Variants in ATG4B observed in about 807,000 individuals in gnomAD.
ATG4B encodes the protein autophagy related 4B cysteine peptidase.
ATG4B carries 29 observed loss-of-function variants against 56.6 expected under a neutral mutation model. The observed-to-expected ratio is 0.51, with a 90% CI of 0.38 to 0.70. The LOEUF (loss-of-function observed/expected upper bound fraction) is 0.70, where lower values mean the gene tolerates loss of function less well. ATG4B is among the 30% of genes least tolerant of loss of function. ATG4B has a pLI of 0.00. For missense variants in ATG4B, 461 were observed against 515.5 expected, an observed-to-expected ratio of 0.89 and a Z score of 1.02; for synonymous variants, 224 against 206.1, an observed-to-expected ratio of 1.09 and a Z score of -0.74.
In ATG4B at chr2:241,668,441, C is replaced by T; in HGVS notation, c.812-99C>T. On this transcript the variant is annotated intron_variant, in intron 9 of 12. Coordinates refer to ENST00000404914, the MANE Select transcript of ATG4B (RefSeq NM_013325.5). The surrounding 1 kb of genome is among the most constrained non-coding windows in gnomAD (Gnocchi z 4.2). ...TCCCCACCTCCTGCCCACTGCTTCTCAGTGTGATGTGGGTGCAGTGGGTCT... is the reference window on the plus strand; with the variant it reads ...TCCCCACCTCCTGCCCACTGCTTCTTAGTGTGATGTGGGTGCAGTGGGTCT... 1 of 1,494,244 alleles carries T rather than the reference C, an allele frequency of 6.7e-7. No homozygotes were observed. The highest frequency in any genetic ancestry group is 9.1e-7 in the Non-Finnish European group (1 of 1,103,764). The allele number at this position is 1,494,244 out of a possible 1,614,324, so 92.6% of individuals were successfully genotyped here. A position where few individuals can be genotyped will look rare whatever the true frequency, so the allele number is the denominator to read the frequency against.
At chr2:241,655,365 C>G in intron 6 of ATG4B, 22 bp downstream of exon 6, 1 of 1,595,864 alleles carries the variant, frequency 6.3e-7, no homozygotes, top group Non-Finnish European at 8.5e-7. Flanking sequence ...GCTTCCACTG[C>G]TGAGCATGGG....
chr2:241,649,684 A>G lies in ATG4B; in HGVS notation c.11-1326A>G, dbSNP rs1311025349. Among the ~76,000 whole-genome samples the G allele has an allele frequency of 2.0e-5, 3 of 152,056 alleles. No individual in the cohort carries two copies. In the East Asian group the frequency reaches 5.8e-4, roughly 29 times the overall value. On this transcript the variant is annotated intron_variant, in intron 1 of 12. Transcript: ENST00000404914. ...TGGCTGGCGCCTTCTTTTCAGGAACATTGTGGGACATGGGTATCCTCAGCC... is the reference window on the plus strand; with the variant it reads ...TGGCTGGCGCCTTCTTTTCAGGAACGTTGTGGGACATGGGTATCCTCAGCC...
chr2:241,654,363 G>A (rs905502045), intron 4 of ATG4B, among the ~76,000 whole-genome samples, 183 bp from the exon 5 acceptor site: 2 of 147,764 alleles, frequency 1.4e-5, no homozygotes, highest in Non-Finnish European at 3.0e-5. Flanking sequence ...GGAGGTTGCA[G>A]TGAGCCGAGA....
chr2:241,663,511 A>C (rs886694353), intron 7 of ATG4B, among the ~76,000 whole-genome samples: 15 of 152,308 alleles, frequency 9.8e-5, no homozygotes, highest in Non-Finnish European at 2.1e-4. Flanking sequence ...TCTGAACCTG[A>C]TGTGTACAGA....
intron 12 of ATG4B, chr2:241,671,799 A>G (rs1160788658): frequency 1.1e-5 from 14 of 1,273,750 alleles, no homozygotes; most frequent in Non-Finnish European, 1.3e-5. Flanking sequence ...AGCGTGCCGC[A>G]GGAGCCGGCC....
In ATG4B at chr2:241,672,748, CGAG is replaced by C. The variant is rs1365503695; in HGVS notation, c.*486_*488del. 2 of 174,578 alleles carry C rather than the reference CGAG, an allele frequency of 1.1e-5. No individual in the cohort carries two copies. The highest frequency in any genetic ancestry group is 2.6e-4 in the South Asian group (2 of 7,606). The allele number at this position is 174,578 out of a possible 1,614,324, so 10.8% of individuals were successfully genotyped here. A position where few individuals can be genotyped will look rare whatever the true frequency, so the allele number is the denominator to read the frequency against. On this transcript the variant is annotated 3_prime_UTR_variant, in exon 13 of 13. Transcript: ENST00000404914. ...CCACGCCCAAGGACTGGGCTGCTCT[CGAG>C]GGGGGCGCGCCCACCGCTGTGTCCT...
rs369911227 is a variant in ATG4B at position 241,668,682 on chromosome 2, T to G, written c.954T>G (p.Ala318=). The change falls in exon 10 of 13, where the codon GCT becomes GCG. Residue 318 remains alanine (A), a synonymous_variant. Transcript: ENST00000404914. This position sits in a 1 kb window ranked among gnomAD's most constrained non-coding sequence, Gnocchi z 4.2. ...TCGCGGAGCTTGACCCGTCCATCGC[T>G]GTGGTACGTGGCGGCCACCTGAGCA... ...MSIAELDPSI[A]VGFFCKTEDD... 2 of 1,570,412 alleles carry G rather than the reference T, an allele frequency of 1.3e-6. No individual in the cohort carries two copies. The highest frequency in any genetic ancestry group is 1.4e-5 in the African/African-American group (1 of 73,716).
At position 241,668,971 on chromosome 2, in the gene ATG4B, T is replaced by A. The variant is rs1469882603; in HGVS notation, c.957+286T>A. 1 of 457,316 alleles carries A rather than the reference T, an allele frequency of 2.2e-6. No individual in the cohort carries two copies. 28.3% of individuals were successfully genotyped at this position (457,316 alleles called of 1,614,324 possible). ...TGGGCGCGTGCTGAGTGTGCATGGA[T>A]GAGTGTGAGCCATGGTGAGTGTGTC... is the stretch of plus-strand genomic sequence containing the variant. On this transcript the variant is annotated intron_variant, in intron 10 of 12. Transcript: ENST00000404914. The surrounding 1 kb of genome is among the most constrained non-coding windows in gnomAD (Gnocchi z 4.2).
chr2:241,659,425 C>T (rs763715890), intron 7 of ATG4B: 3 of 592,886 alleles, frequency 5.1e-6, no homozygotes, highest in Non-Finnish European at 9.9e-6. Flanking sequence ...TGGTATCTCA[C>T]GTCGTGTTTT....
At chr2:241,644,480 A>T (rs1051298607) in intron 1 of ATG4B, among the ~76,000 whole-genome samples, 1 of 152,158 alleles carries the variant, frequency 6.6e-6, no homozygotes, top group African/African-American at 2.4e-5. Context: ...GCCCCATTTC[A>T]TGGGTGAGGA....
chr2:241,651,767 A>G lies in ATG4B; in HGVS notation c.184+432A>G, dbSNP rs779986336. 164 of 618,752 alleles carry G rather than the reference A, an allele frequency of 2.7e-4. 1 individual carries two copies. The highest frequency in any genetic ancestry group is 3.8e-4 in the Non-Finnish European group (148 of 391,016). The allele number at this position is 618,752 out of a possible 1,614,324, so 38.3% of individuals were successfully genotyped here. ...CTTAGGTCCAGAATGTTTGGAAGCC[A>G]TTCTCTGTAGCCCTCATCTTTTTTA... On this transcript the variant is annotated intron_variant, in intron 3 of 12. Transcript: ENST00000404914. This position sits in a 1 kb window ranked among gnomAD's most constrained non-coding sequence, Gnocchi z 4.1.
intron 1 of ATG4B, among the ~76,000 whole-genome samples, chr2:241,643,699 C>A (rs1575057197): frequency 7.9e-6 from 1 of 126,540 alleles, no homozygotes; most frequent in Admixed American, 7.7e-5. Context: ...TATTTTCCCC[C>A]CCCCCCGTCG....
Position 241,671,389 on chromosome 2 carries a change from C to G in ATG4B, c.1092C>G (p.Val364=). ...CTTCACATCTGGCCTGCCCCGACGT[C>G]CTGAACCTGTCCCTAGGTGAGAGCT... The part of the protein sequence containing the change: ...LQPSHLACPD[V]LNLSLDSSDV... The change falls in exon 12 of 13, where the codon GTC becomes GTG. Residue 364 remains valine, a synonymous_variant. Coordinates refer to ENST00000404914, the MANE Select transcript of ATG4B (RefSeq NM_013325.5). 1 of 1,613,694 alleles carries G rather than the reference C, an allele frequency of 6.2e-7. No homozygotes were observed. Among genetic ancestry groups the G allele is most frequent in the Non-Finnish European group, 8.5e-7 (1 of 1,179,842 alleles).
intron 12 of ATG4B, chr2:241,671,891 A>C: frequency 7.6e-7 from 1 of 1,323,384 alleles, no homozygotes; most frequent in Non-Finnish European, 9.7e-7. Flanking sequence ...CAAACAAGGC[A>C]ATGGCAATGG....
intron 4 of ATG4B, among the ~76,000 whole-genome samples, chr2:241,654,159 A>G (rs1575070365): frequency 6.6e-6 from 1 of 152,142 alleles, no homozygotes; most frequent in South Asian, 2.1e-4. Context: ...GTGGTGGCTC[A>G]CGCCTGTAAT....
In ATG4B at chr2:241,653,500, C is replaced by T; in HGVS notation, c.185-12C>T. The stretch of plus-strand genomic sequence containing the variant: ...TGGCCATGAGCACTTCTCTCTCTGT[C>T]TGCCACGACAGGGGGGACAGGCCCC... On this transcript the variant is annotated splice_polypyrimidine_tract_variant and intron_variant, in intron 3 of 12. Transcript: ENST00000404914. 6.4e-7 allele frequency: 1 copy of T among 1,568,710 alleles called. No individual in the cohort carries two copies. Among genetic ancestry groups the T allele is most frequent in the Non-Finnish European group, 8.6e-7 (1 of 1,156,710 alleles).
At chr2:241,645,132 T>A (rs979869683) in intron 1 of ATG4B, among the ~76,000 whole-genome samples, 4 of 152,094 alleles carry the variant, frequency 2.6e-5, no homozygotes, top group Non-Finnish European at 2.9e-5. Flanking sequence ...TGAGTTCTGC[T>A]CGGAGGGCCT....
Position 241,659,179 on chromosome 2 carries a change from A to G in ATG4B, c.530A>G (p.Glu177Gly), listed in dbSNP as rs2068511717. 3.7e-6 allele frequency: 6 copies of G among 1,613,564 alleles called. No individual in the cohort carries two copies. The highest frequency in any genetic ancestry group is 5.1e-6 in the Non-Finnish European group (6 of 1,179,528). The change falls in exon 7 of 13, where the codon GAG (glutamate) becomes GGG (glycine). Residue 177 changes from glutamate (E) to glycine (G), a missense_variant. Transcript: ENST00000404914. ...GCAATGGACAACACTGTTGTGATGGAGGAAATCAGTAAGTGGCTCAGAGTT... is the reference window on the plus strand; with the variant it reads ...GCAATGGACAACACTGTTGTGATGGGGGAAATCAGTAAGTGGCTCAGAGTT... ...HIAMDNTVVMEEIRRLCRTSV... is the reference protein window; with the variant it reads ...HIAMDNTVVMGEIRRLCRTSV...
chr2:241,671,542 G>A, intron 12 of ATG4B, 137 bp downstream of exon 12: 1 of 1,539,616 alleles, frequency 6.5e-7, no homozygotes. Context: ...TGGTTCGCCT[G>A]TGAGACCAGG....
Sources: gnomAD v4.1 joint callset for allele counts (sites outside exome capture counted in the v4.1 genomes callset) on GRCh38, gnomAD v4.1.1 for gene constraint, Gnocchi (gnomAD v3.1) non-coding constraint, MANE v1.5 for transcripts, NCBI Gene and HGNC (gene_info 2026-07-23, HGNC 2026-07-21) for gene names.